The following MAPKAP1 variants were observed in gnomAD, a reference collection of about 807,000 sequenced individuals.
MAPKAP1 encodes target of rapamycin complex 2 subunit MAPKAP1.
Under a neutral mutation model 65.7 loss-of-function variants are expected in MAPKAP1, and 20 were observed. That is an observed-to-expected ratio of 0.30 (90% confidence interval 0.21 to 0.44). The LOEUF is 0.44. Ranked by LOEUF, MAPKAP1 falls within the 20% of genes least tolerant of loss-of-function variation. The probability of loss-of-function intolerance (pLI) is 1.00; values close to 1 mark genes in which losing one functional copy is unlikely to be tolerated. For missense variants in MAPKAP1, 423 were observed against 648.0 expected (o/e 0.65, Z 3.77); for synonymous variants, 222 against 244.3 (o/e 0.91, Z 0.85).
chr9:125,508,669 C>G (rs1463719434), intron 7 of MAPKAP1, among the ~76,000 whole-genome samples: 1 of 152,102 alleles, frequency 6.6e-6, no homozygotes, highest in Non-Finnish European at 1.5e-5. Flanking sequence ...CTGGGAAACA[C>G]AGTGAGCCTT....
chr9:125,460,168 G>A (rs551329290), intron 10 of MAPKAP1, among the ~76,000 whole-genome samples: 7 of 152,144 alleles, frequency 4.6e-5, no homozygotes, highest in African/African-American at 1.7e-4. Flanking sequence ...TTGAGAAAAT[G>A]GTAATCAAAA....
At chr9:125,529,355 T>C (rs1283674491) in intron 7 of MAPKAP1, among the ~76,000 whole-genome samples, 1 of 152,102 alleles carries the variant, frequency 6.6e-6, no homozygotes, top group African/African-American at 2.4e-5. Flanking sequence ...CCTTATTCAC[T>C]ACCTGAAATG....
intron 4 of MAPKAP1, among the ~76,000 whole-genome samples, chr9:125,586,097 G>A (rs1831776175): frequency 6.6e-6 from 1 of 152,046 alleles, no homozygotes. Context: ...CATTGTCCTT[G>A]AGACAATGAG....
chr9:125,647,081 C>T (rs576870449), intron 4 of MAPKAP1, among the ~76,000 whole-genome samples: 19 of 152,332 alleles, frequency 1.2e-4, no homozygotes, highest in African/African-American at 4.6e-4. Flanking sequence ...TACTTTTTAA[C>T]TTCATACGGA....
At chr9:125,697,309 A>G (rs1233066747) in intron 1 of MAPKAP1, among the ~76,000 whole-genome samples, 1 of 152,196 alleles carries the variant, frequency 6.6e-6, no homozygotes, top group African/African-American at 2.4e-5. Flanking sequence ...GACTCTACTC[A>G]TATTTGTTAA....
chr9:125,556,966 A>C (rs965796076), intron 6 of MAPKAP1, among the ~76,000 whole-genome samples: 1 of 152,240 alleles, frequency 6.6e-6, no homozygotes, highest in Admixed American at 6.5e-5. Flanking sequence ...ATTTCACTTT[A>C]CCTCGTGTTT....
At chr9:125,555,331 G>A (rs1358381928) in intron 6 of MAPKAP1, among the ~76,000 whole-genome samples, 9 of 152,190 alleles carry the variant, frequency 5.9e-5, no homozygotes, top group Non-Finnish European at 5.9e-5. Flanking sequence ...AAATTTTAAA[G>A]ATGAAGAAAC....
chr9:125,532,501 T>A (rs1007978652), intron 7 of MAPKAP1, among the ~76,000 whole-genome samples: 3 of 152,246 alleles, frequency 2.0e-5, no homozygotes, highest in African/African-American at 7.2e-5. Context: ...AATCTCCCAA[T>A]TTATCCACTC....
intron 5 of MAPKAP1, among the ~76,000 whole-genome samples, chr9:125,575,505 T>C (rs1242248559): frequency 6.6e-6 from 1 of 152,200 alleles, no homozygotes; most frequent in Non-Finnish European, 1.5e-5. Context: ...CCATGTATTG[T>C]TACACACTGG....
chr9:125,651,984 G>T, intron 4 of MAPKAP1: 1 of 566,186 alleles, frequency 1.8e-6, no homozygotes, highest in African/African-American at 2.0e-5. Context: ...TTGGGAAAGA[G>T]ATCCAGAAGC....
At chr9:125,462,488 C>T (rs1163904513) in intron 10 of MAPKAP1, among the ~76,000 whole-genome samples, 2 of 152,368 alleles carry the variant, frequency 1.3e-5, no homozygotes, top group East Asian at 3.9e-4. Context: ...TGGATTAAGA[C>T]AGCCTCTGAA....
At chr9:125,559,889 G>A in intron 5 of MAPKAP1, 80 bp from the exon 6 acceptor site, 1 of 1,363,210 alleles carries the variant, frequency 7.3e-7, no homozygotes. Flanking sequence ...TGCACAGCAA[G>A]CAAATTGAGG....
At chr9:125,588,298 G>A (rs970960883) in intron 4 of MAPKAP1, among the ~76,000 whole-genome samples, 4 of 152,166 alleles carry the variant, frequency 2.6e-5, no homozygotes, top group African/African-American at 9.7e-5. Flanking sequence ...AAGGAAACCA[G>A]ACATGAAAGG....
intron 4 of MAPKAP1, among the ~76,000 whole-genome samples, chr9:125,615,820 C>G (rs112007724): frequency 6.6e-6 from 1 of 150,894 alleles, no homozygotes; most frequent in Admixed American, 6.6e-5. Context: ...GGCTGAGGCA[C>G]GAGAATCACT....
At position 125,657,667 on chromosome 9, in the gene MAPKAP1, G is replaced by C; in HGVS notation, c.482C>G (p.Ser161Cys). ...TTTACTTACCTTGCCATCAAATTTG[G>C]AATACTCGTTAAAAGGGTTATTCAG... The part of the protein sequence containing the change: ...LQLNNPFNEY[S>C]KFDGKGHVGT... Residue 161 changes from serine (S) to cysteine (C), a missense_variant, in exon 4 of 12, where the codon TCC (serine) becomes TGC (cysteine). Physicochemically the swap from Ser to Cys is moderately radical, Grantham distance 112. Around this residue, in one of 6 missense-constraint regions of MAPKAP1, gnomAD observed 98 missense variants for 200.5 expected, o/e 0.49. Transcript: ENST00000265960. 6.2e-7 allele frequency: 1 copy of C among 1,605,756 alleles called. No homozygotes were observed.
chr9:125,598,892 T>C (rs1248324208), intron 4 of MAPKAP1, among the ~76,000 whole-genome samples: 1 of 151,578 alleles, frequency 6.6e-6, no homozygotes, highest in African/African-American at 2.4e-5. Flanking sequence ...ATACAAAAAA[T>C]AGCCAGGCGT....
intron 5 of MAPKAP1, among the ~76,000 whole-genome samples, 178 bp downstream of exon 5, chr9:125,585,377 A>G (rs1245414935): frequency 6.6e-6 from 1 of 152,184 alleles, no homozygotes; most frequent in African/African-American, 2.4e-5. Context: ...TTCTAAGTCT[A>G]TTTTGCAAGC....
At chr9:125,586,936 C>T (rs1175178973) in intron 4 of MAPKAP1, among the ~76,000 whole-genome samples, 2 of 152,230 alleles carry the variant, frequency 1.3e-5, no homozygotes, top group Non-Finnish European at 1.5e-5. Context: ...ATGCTTCTTC[C>T]TCCCTCACAC....
At chr9:125,566,293 GGTGACTCACACCT>G (rs1831049005) in intron 5 of MAPKAP1, among the ~76,000 whole-genome samples, 1 of 152,174 alleles carries the variant, frequency 6.6e-6, no homozygotes, top group South Asian at 2.1e-4. Flanking sequence ...TGCTGGGTGT[GGTGACTCACACCT>G]ATAATCCTAG....
Sources: gnomAD v4.1 joint callset for allele counts (sites outside exome capture counted in the v4.1 genomes callset) on GRCh38, gnomAD v4.1.1 for gene constraint, gnomAD v4.1.1 regional missense constraint, MANE v1.5 for transcripts, NCBI Gene and HGNC (gene_info 2026-07-23, HGNC 2026-07-21) for gene names.